Variants in ABLIM1 observed in about 807,000 individuals in gnomAD.
ABLIM1 encodes the protein actin-binding LIM protein 1.
A neutral mutation model predicts 107.0 loss-of-function variants in ABLIM1; 40 were observed. The ratio of observed to expected loss-of-function variants is 0.37; its 90% CI spans 0.29 to 0.49. The LOEUF (loss-of-function observed/expected upper bound fraction) is 0.49, where lower values mean the gene tolerates loss of function less well. ABLIM1 is among the 20% of genes least tolerant of loss of function. The pLI is 0.97. For missense variants in ABLIM1, 857 were observed against 1,008.5 expected, an observed-to-expected ratio of 0.85 and a Z score of 2.04; for synonymous variants, 357 against 357.3, an observed-to-expected ratio of 1.00 and a Z score of 0.01.
intron 8 of ABLIM1, among the ~76,000 whole-genome samples, chr10:114,480,820 G>C (rs76471368): frequency 0.029 from 4,469 of 152,154 alleles, 195 homozygotes; most frequent in African/African-American, 0.099. Flanking sequence ...CTTTACGTTT[G>C]ATTTCAACAA....
chr10:114,516,748 A>C (rs576369934), intron 6 of ABLIM1, among the ~76,000 whole-genome samples: 1 of 152,258 alleles, frequency 6.6e-6, no homozygotes, highest in East Asian at 1.9e-4. Flanking sequence ...TCTTTGAAAC[A>C]ATAATTAATG....
intron 6 of ABLIM1, among the ~76,000 whole-genome samples, chr10:114,521,709 C>T (rs1017364510): frequency 1.1e-4 from 16 of 152,128 alleles, no homozygotes; most frequent in Non-Finnish European, 1.9e-4. Flanking sequence ...CCCATTCATC[C>T]ATCCTTCTAT....
At chr10:114,759,771 A>C (rs371723634) in intron 1 of ABLIM1, among the ~76,000 whole-genome samples, 1 of 152,184 alleles carries the variant, frequency 6.6e-6, no homozygotes, top group Non-Finnish European at 1.5e-5. Flanking sequence ...CCGACACCAT[A>C]AGGCATGCTG....
upstream of ABLIM1, among the ~76,000 whole-genome samples, chr10:114,768,413 G>C (rs1000935062): frequency 6.6e-5 from 10 of 151,482 alleles, no homozygotes; most frequent in Non-Finnish European, 1.2e-4. Flanking sequence ...GAGGGTCTGC[G>C]TCCTCCCCTC....
chr10:114,486,839 T>C (rs891132993), intron 8 of ABLIM1, among the ~76,000 whole-genome samples: 1 of 152,178 alleles, frequency 6.6e-6, no homozygotes, highest in Non-Finnish European at 1.5e-5. Flanking sequence ...CTCCCTCTGA[T>C]TGATGGATGC....
At chr10:114,632,343 A>G in intron 1 of ABLIM1, 1 of 985,432 alleles carries the variant, frequency 1.0e-6, no homozygotes, top group Non-Finnish European at 1.2e-6. Flanking sequence ...AATGATTGCC[A>G]GGAAGAGGAG....
chr10:114,745,748 G>A (rs1408611222), intron 1 of ABLIM1, among the ~76,000 whole-genome samples: 1 of 152,196 alleles, frequency 6.6e-6, no homozygotes, highest in East Asian at 1.9e-4. Flanking sequence ...GGCTGAGGTA[G>A]GAGAATCGCT....
At chr10:114,698,408 T>TA (rs34629916) in intron 1 of ABLIM1, among the ~76,000 whole-genome samples, 2,279 of 116,888 alleles carry the variant, frequency 0.019, 56 homozygotes, top group African/African-American at 0.056. Context: ...ATTAAAAATG[T>TA]AAAAAAAAAA....
At chr10:114,712,358 A>AC (rs1446566322) in intron 1 of ABLIM1, among the ~76,000 whole-genome samples, 1 of 149,952 alleles carries the variant, frequency 6.7e-6, no homozygotes, top group East Asian at 1.9e-4. Flanking sequence ...GTCTCGAAAA[A>AC]AAAAAAAAAA....
At chr10:114,665,407 G>T (rs776711471) in intron 1 of ABLIM1, among the ~76,000 whole-genome samples, 7 of 152,172 alleles carry the variant, frequency 4.6e-5, no homozygotes, top group Non-Finnish European at 1.0e-4. Context: ...AGAGGTTAGA[G>T]GAGGGCAGAA....
At chr10:114,776,547 A>C in the ABLIM1 span, among the ~76,000 whole-genome samples, 1 of 152,286 alleles carries the variant, frequency 6.6e-6, no homozygotes, top group South Asian at 2.1e-4. Flanking sequence ...CAGGAGGCAG[A>C]GGTTGCAGTG....
chr10:114,575,887 G>C (rs2072463715), intron 2 of ABLIM1, among the ~76,000 whole-genome samples: 1 of 152,134 alleles, frequency 6.6e-6, no homozygotes, highest in Admixed American at 6.5e-5. Context: ...CTTCATTCAG[G>C]CTGTCTCAAA....
chr10:114,791,503 T>G, the ABLIM1 span, among the ~76,000 whole-genome samples: 1 of 151,918 alleles, frequency 6.6e-6, no homozygotes, highest in East Asian at 1.9e-4. Flanking sequence ...ACGGGCGTGG[T>G]GGTGGACGCC....
chr10:114,683,644 T>C (rs928895264), intron 1 of ABLIM1, among the ~76,000 whole-genome samples: 2 of 152,132 alleles, frequency 1.3e-5, no homozygotes, highest in African/African-American at 4.8e-5. Context: ...GAGTCTACTC[T>C]CCAGGAACCA....
chr10:114,733,356 A>C (rs966785236), intron 1 of ABLIM1, among the ~76,000 whole-genome samples: 1 of 152,194 alleles, frequency 6.6e-6, no homozygotes, highest in South Asian at 2.1e-4. Context: ...ATTGCCCTTT[A>C]GAACAAAATA....
chr10:114,467,372 C>A (rs1023296679), intron 11 of ABLIM1, among the ~76,000 whole-genome samples: 1 of 152,030 alleles, frequency 6.6e-6, no homozygotes, highest in African/African-American at 2.4e-5. Context: ...TCTACTAGCA[C>A]AATAAAAGTA....
intron 6 of ABLIM1, among the ~76,000 whole-genome samples, chr10:114,507,549 C>T (rs532749053): frequency 1.3e-5 from 2 of 152,212 alleles, no homozygotes; most frequent in Non-Finnish European, 2.9e-5. Flanking sequence ...CCCAAGTCGT[C>T]TGGATTCTTC....
At chr10:114,772,450 A>AC (rs1491180309), upstream of ABLIM1, among the ~76,000 whole-genome samples, 94 of 152,066 alleles carry the variant, frequency 6.2e-4, no homozygotes, top group African/African-American at 2.1e-3. Flanking sequence ...AAAAAAAAAA[A>AC]ATTTAAATTA....
intron 1 of ABLIM1, among the ~76,000 whole-genome samples, chr10:114,734,144 A>T (rs760872372): frequency 6.6e-6 from 1 of 151,958 alleles, no homozygotes; most frequent in Non-Finnish European, 1.5e-5. Context: ...ATAGGCATGA[A>T]CCATCACGCT....
Sources: allele counts gnomAD v4.1 joint callset (sites outside exome capture counted in the v4.1 genomes callset), GRCh38; gene constraint gnomAD v4.1.1; transcripts MANE v1.5; gene names NCBI Gene and HGNC (gene_info 2026-07-23, HGNC 2026-07-21).